Variants in SLC36A1 observed in about 807,000 individuals in gnomAD.
SLC36A1 encodes the protein solute carrier family 36 member 1.
SLC36A1 carries 30 observed loss-of-function variants against 47.5 expected under a neutral mutation model. That is an observed-to-expected ratio of 0.63 (90% CI 0.47 to 0.86). The LOEUF (loss-of-function observed/expected upper bound fraction) is 0.86, where lower values mean the gene tolerates loss of function less well. Ranked by LOEUF, SLC36A1 falls within the 40% of genes least tolerant of loss-of-function variation. SLC36A1 has a pLI of 0.00. For missense variants in SLC36A1, 517 were observed against 606.0 expected (o/e 0.85, Z 1.54); for synonymous variants, 255 against 249.7 (o/e 1.02, Z -0.20).
chr5:151,446,213 A>G (rs1752909045), upstream of SLC36A1, among the ~76,000 whole-genome samples: 1 of 151,906 alleles, frequency 6.6e-6, no homozygotes, highest in African/African-American at 2.4e-5. Flanking sequence ...TTCCCGTTTG[A>G]TTTCATCTTT....
chr5:151,409,785 C>A, the SLC36A1 span, among the ~76,000 whole-genome samples: 2 of 152,202 alleles, frequency 1.3e-5, no homozygotes, highest in Non-Finnish European at 2.9e-5. Context: ...CTGTACTTGG[C>A]TGATCATCCA....
chr5:151,465,296 TG>T, intron 5 of SLC36A1, 127 bp downstream of exon 5: 1 of 759,572 alleles, frequency 1.3e-6, no homozygotes. Context: ...CCTTGGGCTG[TG>T]GCTCAGCTCT....
intron 6 of SLC36A1, 69 bp from the exon 7 acceptor site, chr5:151,467,638 C>G (rs1012619525): frequency 1.5e-6 from 2 of 1,338,772 alleles, no homozygotes; most frequent in Non-Finnish European, 2.1e-6. Context: ...GGAACCTCTT[C>G]CAGCAGAGGA....
At chr5:151,537,658 G>T in the SLC36A1 span, 1 of 816,096 alleles carries the variant, frequency 1.2e-6, no homozygotes, top group Non-Finnish European at 1.9e-6. Flanking sequence ...ACAATGCTTG[G>T]CACATAGGGC....
intron 10 of SLC36A1, among the ~76,000 whole-genome samples, chr5:151,484,165 G>A (rs1240879191): frequency 6.6e-6 from 1 of 152,140 alleles, no homozygotes; most frequent in Non-Finnish European, 1.5e-5. Context: ...ATCATGAAGT[G>A]CCCATATGTC....
the SLC36A1 span, chr5:151,509,981 T>TAAC: frequency 6.2e-7 from 1 of 1,603,600 alleles, no homozygotes; most frequent in Non-Finnish European, 8.5e-7. Flanking sequence ...GCGCATTCCC[T>TAAC]AACAAGGAGC....
chr5:151,500,159 C>T, the SLC36A1 span, among the ~76,000 whole-genome samples: 2 of 152,150 alleles, frequency 1.3e-5, no homozygotes, highest in Non-Finnish European at 2.9e-5. Context: ...CATCAGTCCC[C>T]TGTATTTGTA....
At chr5:151,352,585 G>A in the SLC36A1 span, among the ~76,000 whole-genome samples, 1 of 152,200 alleles carries the variant, frequency 6.6e-6, no homozygotes, top group Non-Finnish European at 1.5e-5. Context: ...ATGAGCCAAA[G>A]TAAACATGCC....
At chr5:151,533,775 T>A in the SLC36A1 span, among the ~76,000 whole-genome samples, 2 of 151,986 alleles carry the variant, frequency 1.3e-5, no homozygotes, top group South Asian at 2.1e-4. Flanking sequence ...TATATCACAT[T>A]AATGAGTTAT....
the SLC36A1 span, among the ~76,000 whole-genome samples, chr5:151,370,089 CTG>C: frequency 6.6e-6 from 1 of 152,248 alleles, no homozygotes; most frequent in Non-Finnish European, 1.5e-5. Context: ...GCGTGAGCCA[CTG>C]TGCCTGGCCT....
chr5:151,527,263 A>G, the SLC36A1 span: 1 of 1,612,724 alleles, frequency 6.2e-7, no homozygotes, highest in Non-Finnish European at 8.5e-7. Context: ...TTGAGCTGGA[A>G]GAATCTCGGT....
intron 1 of SLC36A1, among the ~76,000 whole-genome samples, chr5:151,441,962 G>A (rs988338627): frequency 1.3e-5 from 2 of 151,986 alleles, no homozygotes; most frequent in African/African-American, 4.8e-5. Flanking sequence ...CCAGGCAATG[G>A]CTGATGTGTG....
rs1441889836 is a variant in SLC36A1 at position 151,490,026 on chromosome 5, A to G, written c.*1772A>G. The G allele has an allele frequency of 6.6e-6, 1 of 152,168 alleles. No individual in the cohort carries two copies. The highest frequency in any genetic ancestry group is 2.4e-5 in the African/African-American group (1 of 41,430). The allele number at this position is 152,168 out of a possible 1,614,324, so 9.4% of individuals were successfully genotyped here. ...AGTTTTTTCTGTCTCTTCTGTTCCA[A>G]AGCCAGGAGAGCTGACTTCCAGGTG... On this transcript the variant is annotated 3_prime_UTR_variant, in exon 11 of 11. Transcript: ENST00000243389.
the SLC36A1 span, among the ~76,000 whole-genome samples, chr5:151,379,288 C>G: frequency 7.2e-5 from 11 of 152,256 alleles, no homozygotes; most frequent in African/African-American, 1.9e-4. Context: ...GCCAAGTAGG[C>G]GATGTTTTTT....
At chr5:151,371,616 AT>A in the SLC36A1 span, among the ~76,000 whole-genome samples, 1 of 152,232 alleles carries the variant, frequency 6.6e-6, no homozygotes, top group African/African-American at 2.4e-5. Context: ...CTAATATTCT[AT>A]CTTGTTATCA....
chr5:151,522,659 A>G, the SLC36A1 span, among the ~76,000 whole-genome samples: 1 of 152,196 alleles, frequency 6.6e-6, no homozygotes, highest in African/African-American at 2.4e-5. Flanking sequence ...ATAAACAGAG[A>G]CCTAACTTTG....
the SLC36A1 span, chr5:151,366,519 G>C: frequency 1.3e-5 from 4 of 301,604 alleles, no homozygotes; most frequent in Non-Finnish European, 2.0e-5. Context: ...CCTTGGTGAT[G>C]ATGAGGGAGC....
At chr5:151,347,155 C>T in the SLC36A1 span, 3 of 973,900 alleles carry the variant, frequency 3.1e-6, no homozygotes, top group African/African-American at 3.2e-5. Context: ...CAGCTTGACT[C>T]AGCCCATGAC....
chr5:151,481,334 G>A (rs1275322133), intron 10 of SLC36A1, among the ~76,000 whole-genome samples: 6 of 151,302 alleles, frequency 4.0e-5, no homozygotes, highest in African/African-American at 1.2e-4. Flanking sequence ...GAGAGCACTC[G>A]CCTCTCTCAC....
Sources: allele counts gnomAD v4.1 joint callset (sites outside exome capture counted in the v4.1 genomes callset), GRCh38; gene constraint gnomAD v4.1.1; transcripts MANE v1.5; gene names NCBI Gene and HGNC (gene_info 2026-07-23, HGNC 2026-07-21).